AHNAK: variants seen among roughly 807,000 people sequenced by gnomAD.
The protein encoded by AHNAK is AHNAK nucleoprotein, also known as neuroblast differentiation-associated protein AHNAK.
AHNAK carries 23 observed loss-of-function variants against 37.8 expected under a neutral mutation model. The ratio of observed to expected loss-of-function variants is 0.61; its 90% confidence interval spans 0.44 to 0.86. The LOEUF (loss-of-function observed/expected upper bound fraction) is 0.86, where lower values mean the gene tolerates loss of function less well. Among genes scored for constraint, AHNAK ranks in the 40% least tolerant of loss-of-function variants. The probability of loss-of-function intolerance (pLI) is 0.00; values close to 1 mark genes in which losing one functional copy is unlikely to be tolerated. For missense variants in AHNAK, 7,411 were observed against 7,319.4 expected (o/e 1.01, Z -0.46); for synonymous variants, 2,481 against 2,636.3 (o/e 0.94, Z 1.80).
intron 1 of AHNAK, among the ~76,000 whole-genome samples, chr11:62,542,327 ACCTGCCTGGCCTCCTCCCTGCTC>A (rs1941155122): frequency 6.6e-6 from 1 of 151,970 alleles, no homozygotes; most frequent in African/African-American, 2.4e-5. Flanking sequence ...GTGTGTGTGC[ACCTGCCTGGCCTCCTCCCTGCTC>A]CCTGCCCTTA....
chr11:62,521,112 A>C lies in AHNAK; in HGVS notation c.13305T>G (p.Ile4435Met). 1 of 1,613,988 alleles carries C rather than the reference A, an allele frequency of 6.2e-7. No individual in the cohort carries two copies. The highest frequency in any genetic ancestry group is 8.5e-7 in the Non-Finnish European group (1 of 1,179,980). ...CCTTCAATTTTCCTTCCGGACCTTC[A>C]ATATTGACATCAGGTGTGTCAATGT... ...SLDIDTPDVN[I>M]EGPEGKLKGP... Residue 4435 changes from isoleucine (I) to methionine (M), a missense_variant, in exon 5 of 5, where the codon ATT (isoleucine) becomes ATG (methionine). Physicochemically the swap from Ile to Met is conservative, Grantham distance 10. Coordinates refer to ENST00000378024, the MANE Select transcript of AHNAK (RefSeq NM_001620.3).
At chr11:62,488,416 T>C (rs2428544) in intron 5 of AHNAK, among the ~76,000 whole-genome samples, 1 of 148,888 alleles carries the variant, frequency 6.7e-6, no homozygotes, top group Non-Finnish European at 1.5e-5. Flanking sequence ...TTTTTTTTTT[T>C]CCAAGACGGA....
intron 5 of AHNAK, among the ~76,000 whole-genome samples, chr11:62,484,757 T>G (rs1939354354): frequency 6.6e-6 from 1 of 152,126 alleles, no homozygotes; most frequent in Non-Finnish European, 1.5e-5. Flanking sequence ...ATGGCAATAC[T>G]TGACTTAGGT....
At position 62,524,435 on chromosome 11, in the gene AHNAK, C is replaced by T; in HGVS notation, c.9982G>A (p.Asp3328Asn). 2 of 1,613,606 alleles carry T rather than the reference C, an allele frequency of 1.2e-6. No homozygotes were observed. The highest frequency in any genetic ancestry group is 1.7e-6 in the Non-Finnish European group (2 of 1,179,874). The change falls in exon 5 of 5, where the codon GAT (aspartate) becomes AAT (asparagine). Residue 3328 changes from aspartate (D) to asparagine (N), a missense_variant. Coordinates refer to ENST00000378024, the MANE Select transcript of AHNAK (RefSeq NM_001620.3). Reference protein sequence around the residue: ...LEGDIKAPSLDIKGPEVDVSG... With the variant: ...LEGDIKAPSLNIKGPEVDVSG... ...ACGTCCACTTCTGGGCCCTTTATAT[C>T]CAAACTGGGAGCTTTAATGTCACCT...
At chr11:62,435,204 T>C (rs1938134159) in intron 5 of AHNAK, among the ~76,000 whole-genome samples, 1 of 152,160 alleles carries the variant, frequency 6.6e-6, no homozygotes, top group Non-Finnish European at 1.5e-5. Flanking sequence ...CTGACCACTC[T>C]AGTTCAAAAT....
chr11:62,527,451 C>A lies in AHNAK; in HGVS notation c.6966G>T (p.Lys2322Asn). The change falls in exon 5 of 5, where the codon AAG becomes AAT. Residue 2322 changes from lysine to asparagine, a missense_variant. Physicochemically the swap from Lys to Asn is moderately conservative, Grantham distance 94. Coordinates refer to ENST00000378024, the MANE Select transcript of AHNAK (RefSeq NM_001620.3). ...CAACATCTCCTTTGATTTTGGGTCC[C>A]TTTAAATTGAAATCAACATCAGGCA... Reference protein sequence around the residue: ...ISMPDVDFNLKGPKIKGDVDV... With the variant: ...ISMPDVDFNLNGPKIKGDVDV... The A allele has an allele frequency of 1.2e-6, 2 of 1,613,938 alleles. No individual in the cohort carries two copies. Among genetic ancestry groups the A allele is most frequent in the Non-Finnish European group, 8.5e-7 (1 of 1,179,950 alleles).
chr11:62,498,611 A>G (rs868606545), intron 4 of AHNAK, among the ~76,000 whole-genome samples: 52 of 151,592 alleles, frequency 3.4e-4, no homozygotes, highest in African/African-American at 7.7e-4. Context: ...AAAAAAAAAA[A>G]AAAGAAATTT....
intron 1 of AHNAK, among the ~76,000 whole-genome samples, chr11:62,543,940 TA>T (rs1397153006): frequency 2.6e-5 from 4 of 152,200 alleles, no homozygotes; most frequent in African/African-American, 9.6e-5. Flanking sequence ...ACTGTTCCCA[TA>T]AGGAGTAGGA....
At position 62,524,792 on chromosome 11, in the gene AHNAK, T is replaced by C. The variant is rs1940409901; in HGVS notation, c.9625A>G (p.Met3209Val). ...GGAGCTTTGATGTTCATCTCTGGCA[T>C]CTTGAATTTAGGGCCCTTCAGTTTC... ...DAKLKGPKFKMPEMNIKAPKI... is the reference protein window; with the variant it reads ...DAKLKGPKFKVPEMNIKAPKI... Residue 3209 changes from methionine to valine, a missense_variant, in exon 5 of 5, where the codon ATG becomes GTG. By Grantham distance (21) the Met-to-Val change is conservative. Coordinates refer to ENST00000378024, the MANE Select transcript of AHNAK (RefSeq NM_001620.3). 2 of 1,614,214 alleles carry C rather than the reference T, an allele frequency of 1.2e-6. No individual in the cohort carries two copies. The highest frequency in any genetic ancestry group is 1.7e-6 in the Non-Finnish European group (2 of 1,180,032).
chr11:62,493,649 A>C (rs908246581), intron 4 of AHNAK, among the ~76,000 whole-genome samples: 1 of 142,584 alleles, frequency 7.0e-6, no homozygotes, highest in African/African-American at 3.0e-5. Flanking sequence ...TTTATTTTTT[A>C]AGAGATGGGG....
chr11:62,477,801 CAAA>C (rs60862441), intron 5 of AHNAK, among the ~76,000 whole-genome samples: 3 of 134,266 alleles, frequency 2.2e-5, no homozygotes, highest in Admixed American at 1.5e-4. Flanking sequence ...AACTCCATCT[CAAA>C]AAAAAAAAAA....
Position 62,516,718 on chromosome 11 carries a change from T to C in AHNAK, c.*26A>G, listed in dbSNP as rs1590644380. ...AGGCTGATGTTTTGTTATATATATA[T>C]ATATGTACACACATACAAAGGCCTG... On this transcript the variant is annotated 3_prime_UTR_variant, in exon 5 of 5. Transcript: ENST00000378024. 1.3e-6 allele frequency: 2 copies of C among 1,571,274 alleles called. No individual in the cohort carries two copies. The highest frequency in any genetic ancestry group is 1.7e-6 in the Non-Finnish European group (2 of 1,163,762).
intron 4 of AHNAK, among the ~76,000 whole-genome samples, chr11:62,499,928 C>T (rs563027050): frequency 6.6e-6 from 1 of 152,336 alleles, no homozygotes; most frequent in East Asian, 1.9e-4. Flanking sequence ...CTTTTCTGTG[C>T]TGGAAAGCCA....
chr11:62,508,816 A>T (rs556228941), intron 4 of AHNAK, among the ~76,000 whole-genome samples: 9 of 152,366 alleles, frequency 5.9e-5, no homozygotes, highest in African/African-American at 1.9e-4. Context: ...AAAGACAGAG[A>T]GCTGCTCTGT....
intron 5 of AHNAK, among the ~76,000 whole-genome samples, chr11:62,446,886 G>GA (rs748855578): frequency 1.3e-4 from 19 of 151,922 alleles, no homozygotes; most frequent in Admixed American, 3.9e-4. Flanking sequence ...CCCCCAAACT[G>GA]AAAAGATCTC....
rs151029065 is a variant in AHNAK, at chr11:62,524,698, G to A, written c.9719C>T (p.Ser3240Leu). ...CAAATCACCTTCTACATTTGCAAGT[G>A]AAACATCCACCTCTCCTTTCATTTT... ...GPKMKGEVDV[S>L]LANVEGDLKG... The change falls in exon 5 of 5, where the codon TCA becomes TTA. Residue 3240 changes from serine to leucine, a missense_variant. Ser to Leu is a moderately radical substitution (Grantham distance 145). Transcript: ENST00000378024. 1.2e-6 allele frequency: 2 copies of A among 1,614,216 alleles called. No individual in the cohort carries two copies. The highest frequency in any genetic ancestry group is 1.7e-5 in the Admixed American group (1 of 60,020).
chr11:62,487,272 T>C (rs1032347553), intron 5 of AHNAK, among the ~76,000 whole-genome samples: 3 of 152,232 alleles, frequency 2.0e-5, no homozygotes, highest in African/African-American at 7.2e-5. Flanking sequence ...TAAGGGATGT[T>C]ATCATCCTGA....
At chr11:62,507,374 A>G (rs1006065581) in intron 4 of AHNAK, among the ~76,000 whole-genome samples, 1 of 152,258 alleles carries the variant, frequency 6.6e-6, no homozygotes, top group Non-Finnish European at 1.5e-5. Flanking sequence ...TGCCTCACAC[A>G]AACTAAGAGT....
At chr11:62,544,830 T>G (rs1432673717) in intron 1 of AHNAK, among the ~76,000 whole-genome samples, 1 of 152,084 alleles carries the variant, frequency 6.6e-6, no homozygotes, top group Non-Finnish European at 1.5e-5. Context: ...CCAGTATAGG[T>G]GCAGGGGCCC....
Sources: gnomAD v4.1 joint callset for allele counts (sites outside exome capture counted in the v4.1 genomes callset) on GRCh38, gnomAD v4.1.1 for gene constraint, MANE v1.5 for transcripts, NCBI Gene and HGNC (gene_info 2026-07-23, HGNC 2026-07-21) for gene names.